Variants in CARMIL1 observed in about 807,000 individuals in gnomAD.
CARMIL1 encodes the protein capping protein regulator and myosin 1 linker 1.
In CARMIL1, 90 loss-of-function variants were observed where a neutral mutation model predicts 177.1. That is an observed-to-expected ratio of 0.51 (90% confidence interval 0.43 to 0.61). CARMIL1 has a LOEUF of 0.61. Among genes scored for constraint, CARMIL1 ranks in the 20% least tolerant of loss-of-function variants. CARMIL1 has a pLI of 0.00. For synonymous variants in CARMIL1, 577 were observed against 606.2 expected, an observed-to-expected ratio of 0.95 and a Z score of 0.71; for missense variants, 1,380 against 1,667.0, an observed-to-expected ratio of 0.83 and a Z score of 3.00.
intron 33 of CARMIL1, among the ~76,000 whole-genome samples, chr6:25,604,338 C>T (rs1361646565): frequency 6.6e-6 from 1 of 152,120 alleles, no homozygotes; most frequent in African/African-American, 2.4e-5. Context: ...TCTCAGTTTC[C>T]CAAAGTGCTG....
At chr6:25,453,834 C>T (rs568665973) in intron 8 of CARMIL1, among the ~76,000 whole-genome samples, 7 of 152,226 alleles carry the variant, frequency 4.6e-5, no homozygotes, top group East Asian at 1.9e-4. Context: ...ATCTGGCCTA[C>T]GGGAGTGAAG....
intron 17 of CARMIL1, among the ~76,000 whole-genome samples, chr6:25,506,289 G>C (rs970092084): frequency 2.0e-5 from 3 of 152,236 alleles, no homozygotes; most frequent in African/African-American, 7.2e-5. Context: ...GCTCACGCCT[G>C]TCATCCCAGC....
chr6:25,436,428 G>A (rs559305727), intron 5 of CARMIL1, among the ~76,000 whole-genome samples: 1 of 152,232 alleles, frequency 6.6e-6, no homozygotes, highest in African/African-American at 2.4e-5. Context: ...CATGCTAGCT[G>A]TGTTCCTTGC....
intron 12 of CARMIL1, among the ~76,000 whole-genome samples, chr6:25,487,296 A>T (rs1231822172): frequency 6.6e-6 from 1 of 152,150 alleles, no homozygotes; most frequent in African/African-American, 2.4e-5. Flanking sequence ...TCCTGCTGCT[A>T]TGACCAGAAC....
chr6:25,597,354 T>A (rs1186968743), intron 32 of CARMIL1, among the ~76,000 whole-genome samples: 2 of 152,134 alleles, frequency 1.3e-5, no homozygotes, highest in Non-Finnish European at 2.9e-5. Flanking sequence ...AGGAGTTGGT[T>A]AGATCAATAT....
rs150412185 is a variant in CARMIL1, at chr6:25,423,024, T to C, written c.189+2860T>C. 2.9e-4 allele frequency among the ~76,000 whole-genome samples: 44 copies of C among 152,324 alleles called. No individual in the cohort carries two copies. In the East Asian group the frequency reaches 6.6e-3, roughly 23 times the overall value. On this transcript the variant is annotated intron_variant, in intron 3 of 36. Transcript: ENST00000329474. ...CAGATTTTCTTCCAAAGTGATCTGC[T>C]TGCAGCTTTGCCGCTTTCCCCCTTA...
At chr6:25,290,025 A>G (rs1781817118) in intron 2 of CARMIL1, among the ~76,000 whole-genome samples, 1 of 152,176 alleles carries the variant, frequency 6.6e-6, no homozygotes, top group Non-Finnish European at 1.5e-5. Context: ...TGGCTGTACC[A>G]TTATATGGTT....
intron 24 of CARMIL1, among the ~76,000 whole-genome samples, chr6:25,531,264 A>G (rs1807737289): frequency 6.6e-6 from 1 of 152,230 alleles, no homozygotes; most frequent in Admixed American, 6.5e-5. Context: ...ATTTTAGACC[A>G]TGTTGAATGG....
intron 2 of CARMIL1, among the ~76,000 whole-genome samples, chr6:25,411,707 A>G (rs927420000): frequency 1.3e-5 from 2 of 152,224 alleles, no homozygotes; most frequent in Admixed American, 6.5e-5. Flanking sequence ...TTAGGTGAAA[A>G]TAAATGGATT....
intron 2 of CARMIL1, among the ~76,000 whole-genome samples, chr6:25,374,418 T>A (rs1192113900): frequency 6.6e-6 from 1 of 152,230 alleles, no homozygotes; most frequent in Non-Finnish European, 1.5e-5. Context: ...TTTTTAAAAT[T>A]TATCAAGGCT....
intron 2 of CARMIL1, among the ~76,000 whole-genome samples, chr6:25,404,770 A>AAT (rs201284997): frequency 0.2 from 24,650 of 125,200 alleles, 2,162 homozygotes; most frequent in East Asian, 0.34. Context: ...AAAAAAAAAA[A>AAT]AATAGAGGTG....
At chr6:25,491,670 T>C (rs1037559645) in intron 13 of CARMIL1, 62 bp from the exon 14 acceptor site, 2 of 1,040,434 alleles carry the variant, frequency 1.9e-6, no homozygotes, top group African/African-American at 3.2e-5. Context: ...AAACATTAAC[T>C]TGCATTGTGT....
At chr6:25,435,823 A>C (rs751012458) in intron 5 of CARMIL1, among the ~76,000 whole-genome samples, 14 of 152,150 alleles carry the variant, frequency 9.2e-5, no homozygotes, top group Non-Finnish European at 1.8e-4. Flanking sequence ...TTGAGTGATG[A>C]AAGGATTTGG....
intron 2 of CARMIL1, among the ~76,000 whole-genome samples, chr6:25,387,829 C>T (rs532152234): frequency 1.6e-4 from 25 of 152,114 alleles, no homozygotes; most frequent in Non-Finnish European, 2.6e-4. Flanking sequence ...GGGAAAGCAT[C>T]GTATGAAATA....
At chr6:25,559,464 G>GT (rs1486936867) in intron 29 of CARMIL1, among the ~76,000 whole-genome samples, 5 of 152,180 alleles carry the variant, frequency 3.3e-5, no homozygotes, top group Non-Finnish European at 1.5e-5. Flanking sequence ...AAGATTAACT[G>GT]TTGTGTAGAA....
At chr6:25,489,797 G>A (rs968872554) in intron 13 of CARMIL1, among the ~76,000 whole-genome samples, 3 of 151,734 alleles carry the variant, frequency 2.0e-5, no homozygotes, top group Non-Finnish European at 4.4e-5. Context: ...GGTGTGCCAC[G>A]ATTTTTCAAT....
Position 25,420,094 on chromosome 6 carries a change from CT to C in CARMIL1, c.139-19del. The C allele has an allele frequency of 6.2e-7, 1 of 1,606,142 alleles. No homozygotes were observed. The highest frequency in any genetic ancestry group is 2.2e-5 in the East Asian group (1 of 44,826). ...CCACTTTTTGGTGCTTATACTGATG[CT>C]GCTGCTTCTGTCTTACAGGTCCTTA... On this transcript the variant is annotated intron_variant, in intron 2 of 36. Transcript: ENST00000329474.
chr6:25,349,798 G>C (rs980646247), intron 2 of CARMIL1, among the ~76,000 whole-genome samples: 1 of 147,334 alleles, frequency 6.8e-6, no homozygotes, highest in Admixed American at 6.9e-5. Context: ...GTACAATTTC[G>C]GCTCACTGCA....
At chr6:25,470,383 G>A (rs1385082478) in intron 9 of CARMIL1, among the ~76,000 whole-genome samples, 1 of 152,168 alleles carries the variant, frequency 6.6e-6, no homozygotes, top group Non-Finnish European at 1.5e-5. Context: ...TGAGAACTCT[G>A]CAAAGATATT....
Sources: allele counts gnomAD v4.1 joint callset (sites outside exome capture counted in the v4.1 genomes callset), GRCh38; gene constraint gnomAD v4.1.1; transcripts MANE v1.5; gene names NCBI Gene and HGNC (gene_info 2026-07-23, HGNC 2026-07-21).